CACNA1C: variants seen among roughly 807,000 people sequenced by gnomAD.
CACNA1C encodes calcium voltage-gated channel subunit alpha1 C, also known as voltage-dependent L-type calcium channel subunit alpha-1C.
Under a neutral mutation model 229.0 loss-of-function variants are expected in CACNA1C, and 30 were observed. The ratio of observed to expected loss-of-function variants is 0.13; its 90% CI spans 0.10 to 0.18. CACNA1C has a LOEUF of 0.18. CACNA1C is among the 10% of genes least tolerant of loss of function. The probability of loss-of-function intolerance (pLI) is 1.00; values close to 1 mark genes in which losing one functional copy is unlikely to be tolerated. For synonymous variants in CACNA1C, 1,114 were observed against 1,132.5 expected, an observed-to-expected ratio of 0.98 and a Z score of 0.33; for missense variants, 1,658 against 2,845.0, an observed-to-expected ratio of 0.58 and a Z score of 9.49.
intron 5 of CACNA1C, among the ~76,000 whole-genome samples, chr12:2,466,620 G>T (rs1001331623): frequency 2.0e-5 from 3 of 152,174 alleles, no homozygotes; most frequent in Admixed American, 2.0e-4. Flanking sequence ...TGGTTGATGT[G>T]ATTTAACACT....
chr12:2,352,025 G>A (rs1032756782), intron 3 of CACNA1C, among the ~76,000 whole-genome samples: 11 of 152,304 alleles, frequency 7.2e-5, no homozygotes, highest in African/African-American at 2.6e-4. Flanking sequence ...GAAATGTGTT[G>A]GTTGAAACGT....
At chr12:2,046,358 A>G (rs776186457) in intron 1 of CACNA1C, among the ~76,000 whole-genome samples, 18 of 152,176 alleles carry the variant, frequency 1.2e-4, no homozygotes, top group Non-Finnish European at 1.9e-4. Context: ...TAATGAAGGT[A>G]CAGCTTTGGT....
Position 2,348,148 on chromosome 12 carries a change from C to T in CACNA1C, c.478-100828C>T, listed in dbSNP as rs2097102060. On this transcript the variant is annotated intron_variant, in intron 3 of 46. Transcript: ENST00000399655. This position sits in a 1 kb window ranked among gnomAD's most constrained non-coding sequence, Gnocchi z 4.7. ...CTCCTGCCTGCTGCAGGAGTGGGAG[C>T]GTGGGGCTAGCTGCCAGTGGGATGG... Among the ~76,000 whole-genome samples the T allele has an allele frequency of 6.6e-6, 1 of 152,144 alleles. No homozygotes were observed. Among genetic ancestry groups the T allele is most frequent in the Admixed American group, 6.5e-5 (1 of 15,286 alleles).
chr12:2,119,362 AGG>A (rs912822531), intron 2 of CACNA1C, among the ~76,000 whole-genome samples: 1 of 152,180 alleles, frequency 6.6e-6, no homozygotes, highest in Non-Finnish European at 1.5e-5. Context: ...GGAGCGGGGT[AGG>A]TGGGAGTGGA....
At chr12:2,544,480 G>A (rs1159999076) in intron 9 of CACNA1C, among the ~76,000 whole-genome samples, 1 of 152,186 alleles carries the variant, frequency 6.6e-6, no homozygotes, top group Non-Finnish European at 1.5e-5. Flanking sequence ...ACCTGCATTT[G>A]CTGCCACTCA....
At chr12:2,162,755 C>T (rs1156391164) in intron 3 of CACNA1C, among the ~76,000 whole-genome samples, 1 of 152,108 alleles carries the variant, frequency 6.6e-6, no homozygotes, top group Admixed American at 6.5e-5. Context: ...ATGTTACCAT[C>T]AGTAGTGGCT....
At position 2,434,577 on chromosome 12, in the gene CACNA1C, T is replaced by C. The variant is rs1484731797; in HGVS notation, c.478-14399T>C. On this transcript the variant is annotated intron_variant, in intron 3 of 46. Transcript: ENST00000399655. ...TACACTGGGATGCCTTCTAGCTGCA[T>C]GCACGAAGGGGAGTGGGGATTATCC... is the stretch of plus-strand genomic sequence containing the variant. Among the ~76,000 whole-genome samples the C allele has an allele frequency of 3.3e-5, 5 of 152,338 alleles. No individual in the cohort carries two copies. In the East Asian group the frequency reaches 9.6e-4, roughly 29 times the overall value.
At chr12:2,427,496 T>C (rs1316782017) in intron 3 of CACNA1C, among the ~76,000 whole-genome samples, 1 of 146,844 alleles carries the variant, frequency 6.8e-6, no homozygotes, top group African/African-American at 2.6e-5. Context: ...AGATCAAGAA[T>C]TCCCAGAAGG....
At chr12:2,019,417 G>A (rs191287564) in intron 1 of CACNA1C, among the ~76,000 whole-genome samples, 31 of 147,578 alleles carry the variant, frequency 2.1e-4, no homozygotes, top group East Asian at 2.0e-3. Context: ...CAATGATTAC[G>A]CCACTGCACT....
intron 44 of CACNA1C, 33 bp downstream of exon 44, chr12:2,685,875 G>T: frequency 6.6e-7 from 1 of 1,504,518 alleles, no homozygotes; most frequent in African/African-American, 1.4e-5. Flanking sequence ...GGATGTGGTC[G>T]GCGGTTACTC....
chr12:2,037,776 C>T (rs2049397598), intron 1 of CACNA1C, among the ~76,000 whole-genome samples: 1 of 152,218 alleles, frequency 6.6e-6, no homozygotes, highest in Non-Finnish European at 1.5e-5. Flanking sequence ...AGAGCAGCAT[C>T]AGCCTCACCT....
chr12:2,268,920 C>T (rs968581283), intron 3 of CACNA1C, among the ~76,000 whole-genome samples: 5 of 152,164 alleles, frequency 3.3e-5, no homozygotes, highest in African/African-American at 1.2e-4. Context: ...CTTGGGCAGA[C>T]TCTGAGCATC....
chr12:2,431,480 A>G (rs1395211180), intron 3 of CACNA1C, among the ~76,000 whole-genome samples: 3 of 152,132 alleles, frequency 2.0e-5, no homozygotes, highest in Non-Finnish European at 2.9e-5. Context: ...ATGTTTCCAG[A>G]GGGAGAAAAA....
At chr12:2,655,332 G>A (rs376788497) in intron 34 of CACNA1C, 94 bp downstream of exon 34, 28 of 749,402 alleles carry the variant, frequency 3.7e-5, no homozygotes, top group East Asian at 2.4e-4. Context: ...ACTGCTTCCC[G>A]GGGAGTAGGA....
At chr12:2,151,131 T>A (rs2095217998) in intron 3 of CACNA1C, among the ~76,000 whole-genome samples, 1 of 152,198 alleles carries the variant, frequency 6.6e-6, no homozygotes, top group Non-Finnish European at 1.5e-5. Flanking sequence ...AGGATTCCTA[T>A]GGCCACAACT....
rs779157902 is a variant in CACNA1C at position 2,655,256 on chromosome 12, T to G, written c.4232+18T>G. On this transcript the variant is annotated intron_variant, in intron 34 of 46. Coordinates refer to ENST00000399655, the MANE Select transcript of CACNA1C (RefSeq NM_000719.7). ...CTCTTCAGGTGGGTCCCTGAAGACATAGGTGCACAGATACACACACACCTG... is the reference window on the plus strand; with the variant it reads ...CTCTTCAGGTGGGTCCCTGAAGACAGAGGTGCACAGATACACACACACCTG... The G allele has an allele frequency of 7.4e-6, 11 of 1,481,412 alleles. No homozygotes were observed. Among genetic ancestry groups the G allele is most frequent in the Non-Finnish European group, 9.4e-6 (10 of 1,060,450 alleles). The allele number at this position is 1,481,412 out of a possible 1,614,324, so 91.8% of individuals were successfully genotyped here. A position where few individuals can be genotyped will look rare whatever the true frequency, so the allele number is the denominator to read the frequency against.
chr12:2,346,513 T>C lies in CACNA1C; in HGVS notation c.478-102463T>C, dbSNP rs1318415349. On this transcript the variant is annotated intron_variant, in intron 3 of 46. Coordinates refer to ENST00000399655, the MANE Select transcript of CACNA1C (RefSeq NM_000719.7). The surrounding 1 kb of genome is among the most constrained non-coding windows in gnomAD (Gnocchi z 4.4). ...CAATGGGCTTGCTATGTTTTAAATT[T>C]TGGGCCCCAGGAAGAGAGTTGCCCC... Among the ~76,000 whole-genome samples the C allele has an allele frequency of 1.3e-5, 2 of 152,120 alleles. No individual in the cohort carries two copies. Among genetic ancestry groups the C allele is most frequent in the Admixed American group, 1.3e-4 (2 of 15,278 alleles).
intron 3 of CACNA1C, among the ~76,000 whole-genome samples, chr12:2,322,686 G>C (rs746469226): frequency 6.6e-6 from 1 of 152,154 alleles, no homozygotes; most frequent in Non-Finnish European, 1.5e-5. Flanking sequence ...CAAATGCTTT[G>C]TTGAGCCCCT....
In CACNA1C at chr12:2,566,849, A is replaced by C. The variant is rs2051228778; in HGVS notation, c.1669+267A>C. On this transcript the variant is annotated intron_variant, in intron 12 of 46. Coordinates refer to ENST00000399655, the MANE Select transcript of CACNA1C (RefSeq NM_000719.7). This position sits in a 1 kb window ranked among gnomAD's most constrained non-coding sequence, Gnocchi z 4.0. Reference sequence around the variant, plus strand: ...AAGTCACTGTTGGACCCAGGTGATGAGGAAAGGGGCTGCAGCTTGTTTGCC... The same window carrying C: ...AAGTCACTGTTGGACCCAGGTGATGCGGAAAGGGGCTGCAGCTTGTTTGCC... 1.3e-5 allele frequency among the ~76,000 whole-genome samples: 2 copies of C among 152,284 alleles called. No individual in the cohort carries two copies. Among genetic ancestry groups the C allele is most frequent in the Non-Finnish European group, 2.9e-5 (2 of 68,022 alleles).
Sources: allele counts gnomAD v4.1 joint callset (sites outside exome capture counted in the v4.1 genomes callset), GRCh38; gene constraint gnomAD v4.1.1; non-coding constraint Gnocchi (gnomAD v3.1); transcripts MANE v1.5; gene names NCBI Gene and HGNC (gene_info 2026-07-23, HGNC 2026-07-21).